The following JAKMIP3 variants were observed in gnomAD, a reference collection of about 807,000 sequenced individuals.
The protein encoded by JAKMIP3 is Janus kinase and microtubule interacting protein 3.
JAKMIP3 carries 58 observed loss-of-function variants against 118.5 expected under a neutral mutation model. That is an observed-to-expected ratio of 0.49 (90% CI 0.40 to 0.61). JAKMIP3 has a LOEUF of 0.61. Ranked by LOEUF, JAKMIP3 falls within the 20% of genes least tolerant of loss-of-function variation. The pLI is 0.00. For synonymous variants in JAKMIP3, 486 were observed against 451.2 expected, an observed-to-expected ratio of 1.08 and a Z score of -0.98; for missense variants, 950 against 1,109.0, an observed-to-expected ratio of 0.86 and a Z score of 2.04.
intron 1 of JAKMIP3, among the ~76,000 whole-genome samples, chr10:132,054,574 C>T (rs771393580): frequency 4.6e-5 from 7 of 152,116 alleles, no homozygotes; most frequent in East Asian, 1.9e-4. Flanking sequence ...GCCCACACTA[C>T]GAACCAGTCT....
chr10:132,171,153 T>C (rs1263888145), intron 23 of JAKMIP3, among the ~76,000 whole-genome samples: 2 of 152,222 alleles, frequency 1.3e-5, no homozygotes, highest in Non-Finnish European at 2.9e-5. Flanking sequence ...GCGGGGACTT[T>C]GGGCCGAGGC....
intron 2 of JAKMIP3, among the ~76,000 whole-genome samples, chr10:132,113,337 A>C (rs2047150089): frequency 6.6e-6 from 1 of 152,268 alleles, no homozygotes; most frequent in South Asian, 2.1e-4. Flanking sequence ...GCCTCTCTGC[A>C]GGTGCCTTGG....
intron 3 of JAKMIP3, among the ~76,000 whole-genome samples, chr10:132,123,564 T>C (rs67744939): frequency 0.11 from 17,202 of 152,144 alleles, 1,324 homozygotes; most frequent in Non-Finnish European, 0.17. Context: ...GGGGTAGGGG[T>C]AGGAGGAGTA....
At chr10:132,169,878 G>A (rs2059315259) in intron 23 of JAKMIP3, 1 of 152,674 alleles carries the variant, frequency 6.5e-6, no homozygotes, top group South Asian at 2.1e-4. Context: ...GCGAGGAGGA[G>A]GTGCGAAGGG....
At chr10:132,176,769 C>T (rs1359493244) in intron 23 of JAKMIP3, among the ~76,000 whole-genome samples, 1 of 151,994 alleles carries the variant, frequency 6.6e-6, no homozygotes, top group Non-Finnish European at 1.5e-5. Context: ...TTTACCTCCC[C>T]TCTGGTGGAC....
chr10:132,122,646 G>A (rs115622120), intron 3 of JAKMIP3, among the ~76,000 whole-genome samples: 2 of 152,238 alleles, frequency 1.3e-5, no homozygotes, highest in African/African-American at 4.8e-5. Flanking sequence ...GGGTCTCAGA[G>A]AGGAAGCCAG....
At chr10:132,059,297 CT>C (rs1173805031) in intron 1 of JAKMIP3, among the ~76,000 whole-genome samples, 1 of 152,246 alleles carries the variant, frequency 6.6e-6, no homozygotes, top group Non-Finnish European at 1.5e-5. Flanking sequence ...AGGCTGGACC[CT>C]GTGCCTGCCA....
At chr10:132,143,145 GGT>G (rs1554948456) in intron 11 of JAKMIP3, among the ~76,000 whole-genome samples, 5 of 150,390 alleles carry the variant, frequency 3.3e-5, no homozygotes, top group Admixed American at 6.6e-5. Flanking sequence ...CCTGAGTCGG[GGT>G]GGGGGGGGCT....
At chr10:132,068,922 A>G (rs1352453403) in intron 1 of JAKMIP3, among the ~76,000 whole-genome samples, 1 of 152,156 alleles carries the variant, frequency 6.6e-6, no homozygotes, top group East Asian at 1.9e-4. Context: ...TGAAGCCGGA[A>G]TTCAAACCTA....
intron 23 of JAKMIP3, among the ~76,000 whole-genome samples, chr10:132,175,512 G>A (rs534560728): frequency 6.6e-6 from 1 of 152,172 alleles, no homozygotes; most frequent in Admixed American, 6.5e-5. Flanking sequence ...CAGAGCCAGC[G>A]TGTCTGGTCC....
intron 22 of JAKMIP3, 77 bp downstream of exon 22, chr10:132,167,132 G>T (rs185473349): frequency 1.1e-5 from 11 of 1,016,890 alleles, no homozygotes; most frequent in Non-Finnish European, 1.5e-5. Context: ...TGCCCTGCCA[G>T]GGAGTTGCCC....
intron 1 of JAKMIP3, among the ~76,000 whole-genome samples, chr10:132,087,332 G>A (rs1051544728): frequency 2.5e-4 from 38 of 150,880 alleles, no homozygotes; most frequent in African/African-American, 9.2e-4. Flanking sequence ...TGATGACAAT[G>A]TGCCTAGGCG....
chr10:132,180,646 CGTGTGCGTGTGCGTGTGT>C lies in JAKMIP3; in HGVS notation c.*1104-1709_*1104-1692del, dbSNP rs2060950951. 4.8e-4 allele frequency among the ~76,000 whole-genome samples: 4 copies of C among 8,314 alleles called. 1 individual carries two copies. Among genetic ancestry groups the C allele is most frequent in the Non-Finnish European group, 8.5e-4 (4 of 4,688 alleles). The allele number at this position is 8,314 out of a possible 152,430, so 5.5% of individuals were successfully genotyped here. A position where few individuals can be genotyped will look rare whatever the true frequency, so the allele number is the denominator to read the frequency against. On this transcript the variant is annotated intron_variant, in intron 23 of 23. Coordinates refer to ENST00000684848, the MANE Select transcript of JAKMIP3 (RefSeq NM_001323087.2). ...GTGTGCGTGTGTGCGTGCGTGTGTG[CGTGTGCGTGTGCGTGTGT>C]GCGTGTGTGTGCGCGCGCGTGTGTG... is the stretch of plus-strand genomic sequence containing the variant.
At chr10:132,171,391 A>G (rs2059463998) in intron 23 of JAKMIP3, among the ~76,000 whole-genome samples, 1 of 152,218 alleles carries the variant, frequency 6.6e-6, no homozygotes, top group Admixed American at 6.5e-5. Flanking sequence ...CCTCACCCAC[A>G]GCCCGGCAGG....
At chr10:132,058,759 G>A (rs956753675) in intron 1 of JAKMIP3, among the ~76,000 whole-genome samples, 2 of 152,208 alleles carry the variant, frequency 1.3e-5, no homozygotes, top group African/African-American at 2.4e-5. Context: ...GATGCTTCTC[G>A]ACAGACGAGG....
At chr10:132,058,211 C>T (rs142712327) in intron 1 of JAKMIP3, among the ~76,000 whole-genome samples, 228 of 152,298 alleles carry the variant, frequency 1.5e-3, no homozygotes, top group Non-Finnish European at 1.6e-3. Context: ...GACTTTGGAA[C>T]GAGGCTGCTT....
At chr10:132,040,867 TC>T (rs1317258476) in intron 1 of JAKMIP3, among the ~76,000 whole-genome samples, 1 of 152,144 alleles carries the variant, frequency 6.6e-6, no homozygotes, top group African/African-American at 2.4e-5. Context: ...CCTGGAAGCC[TC>T]CCTTCCAGTC....
At chr10:132,069,184 C>T (rs1262179947) in intron 1 of JAKMIP3, among the ~76,000 whole-genome samples, 1 of 152,058 alleles carries the variant, frequency 6.6e-6, no homozygotes, top group Non-Finnish European at 1.5e-5. Context: ...GGTGGTTGAC[C>T]CAGGACTACT....
At chr10:132,106,773 C>T (rs1170296298) in intron 2 of JAKMIP3, among the ~76,000 whole-genome samples, 3 of 152,228 alleles carry the variant, frequency 2.0e-5, no homozygotes, top group African/African-American at 7.2e-5. Context: ...CACGGTGAGC[C>T]TCAGACATGG....
Sources: gnomAD v4.1 joint callset for allele counts (sites outside exome capture counted in the v4.1 genomes callset) on GRCh38, gnomAD v4.1.1 for gene constraint, MANE v1.5 for transcripts, NCBI Gene and HGNC (gene_info 2026-07-23, HGNC 2026-07-21) for gene names.